The following ALOX12 variants were observed in gnomAD, a reference collection of about 807,000 sequenced individuals.
The protein encoded by ALOX12 is arachidonate 12-lipoxygenase, 12S type.
A neutral mutation model predicts 85.5 loss-of-function variants in ALOX12; 62 were observed. That is an observed-to-expected ratio of 0.73 (90% CI 0.59 to 0.90). ALOX12 has a LOEUF of 0.90. Among genes scored for constraint, ALOX12 ranks in the 40% least tolerant of loss-of-function variants. ALOX12 has a pLI of 0.00. For missense variants in ALOX12, 751 were observed against 856.5 expected, an observed-to-expected ratio of 0.88 and a Z score of 1.54; for synonymous variants, 299 against 332.7, an observed-to-expected ratio of 0.90 and a Z score of 1.10.
chr17:6,997,856 G>A (rs956236119), intron 2 of ALOX12, among the ~76,000 whole-genome samples: 13 of 151,938 alleles, frequency 8.6e-5, no homozygotes, highest in Admixed American at 7.9e-4. Context: ...CACCACGCCC[G>A]GCCCAAATAG....
Position 6,998,762 on chromosome 17 carries a change from G to A in ALOX12, c.467G>A (p.Arg156His), listed in dbSNP as rs772903365. The change falls in exon 4 of 14, where the codon CGT becomes CAT. Residue 156 changes from arginine (R) to histidine (H), a missense_variant. By Grantham distance (29) the Arg-to-His change is conservative. Transcript: ENST00000251535. ...TTACCCCTGACCATCGCTGCAGACCGTAAGGATGATCTACCTCCAAATATG... is the reference window on the plus strand; with the variant it reads ...TTACCCCTGACCATCGCTGCAGACCATAAGGATGATCTACCTCCAAATATG... ...EGLPLTIAADRKDDLPPNMRF... is the reference protein window; with the variant it reads ...EGLPLTIAADHKDDLPPNMRF... The A allele has an allele frequency of 3.0e-5, 48 of 1,613,998 alleles. No individual in the cohort carries two copies. Among genetic ancestry groups the A allele is most frequent in the African/African-American group, 5.3e-5 (4 of 74,886 alleles).
intron 11 of ALOX12, 109 bp from the exon 12 acceptor site, chr17:7,009,638 A>G (rs1909283450): frequency 1.0e-6 from 1 of 985,954 alleles, no homozygotes; most frequent in Admixed American, 2.0e-5. Context: ...ATACGTCTAA[A>G]TAAAATAAAC....
At chr17:6,996,565 C>A (rs1200145560) in intron 1 of ALOX12, among the ~76,000 whole-genome samples, 1 of 151,632 alleles carries the variant, frequency 6.6e-6, no homozygotes, top group Non-Finnish European at 1.5e-5. Context: ...CCTCCAAGAA[C>A]CGGCGCGGGG....
intron 11 of ALOX12, among the ~76,000 whole-genome samples, chr17:7,009,096 G>T (rs1283538526): frequency 7.1e-6 from 1 of 141,298 alleles, no homozygotes; most frequent in African/African-American, 2.6e-5. Context: ...CTCTCGTTGT[G>T]TCGCCCAGGC....
chr17:6,997,211 A>G, intron 2 of ALOX12, 184 bp downstream of exon 2: 1 of 913,500 alleles, frequency 1.1e-6, no homozygotes, highest in Non-Finnish European at 1.3e-6. Context: ...AAAGTTTTAC[A>G]CAGGCTAAGA....
Position 7,010,340 on chromosome 17 carries a change from G to A in ALOX12, c.1909G>A (p.Glu637Lys). The A allele has an allele frequency of 4.3e-6, 7 of 1,614,224 alleles. No homozygotes were observed. Among genetic ancestry groups the A allele is most frequent in the Non-Finnish European group, 5.9e-6 (7 of 1,180,042 alleles). ...AACAGATTTGGAAAAGCTGGAAAAG[G>A]AGATTACAGCCCGGAATGAGCAACT... ...FRTDLEKLEK[E>K]ITARNEQLDW... Residue 637 changes from glutamate to lysine, a missense_variant, in exon 14 of 14, where the codon GAG (glutamate) becomes AAG (lysine). By Grantham distance (56) the Glu-to-Lys change is moderately conservative. Coordinates refer to ENST00000251535, the MANE Select transcript of ALOX12 (RefSeq NM_000697.3).
rs370239900 is a variant in ALOX12, at chr17:6,999,011, G to C, written c.601G>C (p.Glu201Gln). The change falls in exon 5 of 14, where the codon GAA (glutamate) becomes CAA (glutamine). Residue 201 changes from glutamate to glutamine, a missense_variant. Transcript: ENST00000251535. ...YTLLSSWNCLEDFDQIFWGQK... is the reference protein window; with the variant it reads ...YTLLSSWNCLQDFDQIFWGQK... ...CCTCCTGAGCTCCTGGAACTGCCTA[G>C]AAGACTTTGATCAGATCTTCTGGGG... 6.2e-7 allele frequency: 1 copy of C among 1,613,980 alleles called. No homozygotes were observed. Among genetic ancestry groups the C allele is most frequent in the African/African-American group, 1.3e-5 (1 of 74,912 alleles).
intron 12 of ALOX12, 49 bp from the exon 13 acceptor site, chr17:7,009,907 G>C (rs766825797): frequency 6.2e-6 from 10 of 1,614,018 alleles, no homozygotes; most frequent in Non-Finnish European, 8.5e-6. Context: ...AGAGATGGGA[G>C]TTCAAACCCT....
At chr17:7,001,486 C>A in intron 7 of ALOX12, 116 bp from the exon 8 acceptor site, 1 of 1,115,788 alleles carries the variant, frequency 9.0e-7, no homozygotes, top group South Asian at 1.4e-5. Context: ...AGTCCTCCTG[C>A]TAGACTATAA....
intron 2 of ALOX12, 72 bp from the exon 3 acceptor site, chr17:6,998,437 G>A: frequency 2.0e-6 from 2 of 988,438 alleles, no homozygotes; most frequent in East Asian, 2.4e-5. Context: ...GCTAACCACA[G>A]GGAGATGAGG....
intron 8 of ALOX12, among the ~76,000 whole-genome samples, chr17:7,003,527 A>G (rs1424197188): frequency 6.6e-6 from 1 of 152,168 alleles, no homozygotes; most frequent in East Asian, 1.9e-4. Flanking sequence ...CCTGGGCTGA[A>G]GCGATCCTCT....
rs2151648820 is a variant in ALOX12, at chr17:7,010,086, T to C, written c.1772T>C (p.Met591Thr). 6.2e-7 allele frequency: 1 copy of C among 1,613,862 alleles called. No individual in the cohort carries two copies. The highest frequency in any genetic ancestry group is 1.3e-5 in the African/African-American group (1 of 75,022). The change falls in exon 13 of 14, where the codon ATG (methionine) becomes ACG (threonine). Residue 591 changes from methionine (M) to threonine (T), a missense_variant. Physicochemically the swap from Met to Thr is moderately conservative, Grantham distance 81. Transcript: ENST00000251535. The part of the protein sequence containing the change: ...LPDVRQACLQ[M>T]AISWHLSRRQ... ...GATGTCCGGCAGGCCTGTCTTCAAATGGCCATCTCATGGCATCTGAGTCGC... is the reference window on the plus strand; with the variant it reads ...GATGTCCGGCAGGCCTGTCTTCAAACGGCCATCTCATGGCATCTGAGTCGC...
chr17:7,003,235 C>A (rs1306614354), intron 8 of ALOX12, among the ~76,000 whole-genome samples: 1 of 152,224 alleles, frequency 6.6e-6, no homozygotes, highest in Non-Finnish European at 1.5e-5. Context: ...CAGATGCACA[C>A]AAGGGTCAAG....
rs368893946 is a variant in ALOX12 at position 7,009,382 on chromosome 17, T to C, written c.1541-365T>C. The stretch of plus-strand genomic sequence containing the variant: ...CCGCATCCCTCAATTCTTAACCACT[T>C]TTTGAGGCAAGGGATATTTGGTCAC... On this transcript the variant is annotated intron_variant, in intron 11 of 13. Transcript: ENST00000251535. 2.2e-4 allele frequency: 48 copies of C among 215,066 alleles called. No homozygotes were observed. In the South Asian group the frequency reaches 3.2e-3, roughly 14 times the overall value. The allele number at this position is 215,066 out of a possible 1,614,324, so 13.3% of individuals were successfully genotyped here.
rs1392351967 is a variant in ALOX12, at chr17:7,010,135, G to A, written c.1812+9G>A. 2 of 1,607,112 alleles carry A rather than the reference G, an allele frequency of 1.2e-6. No individual in the cohort carries two copies. Among genetic ancestry groups the A allele is most frequent in the Admixed American group, 1.7e-5 (1 of 59,532 alleles). On this transcript the variant is annotated intron_variant, in intron 13 of 13. Transcript: ENST00000251535. The stretch of plus-strand genomic sequence containing the variant: ...GCCGCCAGCCAGACATGGTGAGAGG[G>A]GACTCTCGGGAGAGGGAAATGACAG...
Position 6,999,370 on chromosome 17 carries a change from C to G in ALOX12, c.711C>G (p.Asn237Lys). 1 of 1,614,196 alleles carries G rather than the reference C, an allele frequency of 6.2e-7. No homozygotes were observed. Among genetic ancestry groups the G allele is most frequent in the Non-Finnish European group, 8.5e-7 (1 of 1,180,028 alleles). The stretch of plus-strand genomic sequence containing the variant: ...GCTACCAGTTCCTCAATGGTGCCAA[C>G]CCCATGCTGTTGAGACGCTCGACCT... ...LFSYQFLNGA[N>K]PMLLRRSTSL... is the part of the protein sequence containing the mutation. Residue 237 changes from asparagine to lysine, a missense_variant, in exon 6 of 14, where the codon AAC becomes AAG. By Grantham distance (94) the Asn-to-Lys change is moderately conservative. Transcript: ENST00000251535.
chr17:7,004,381 TTTAATTTAATATTA>T (rs1432529207), intron 8 of ALOX12, among the ~76,000 whole-genome samples: 37 of 139,986 alleles, frequency 2.6e-4, no homozygotes, highest in East Asian at 2.4e-3. Flanking sequence ...TTTAATTTAA[TTTAATTTAATATTA>T]ATTAATTTAA....
chr17:7,007,369 C>T (rs1387951996), intron 11 of ALOX12, among the ~76,000 whole-genome samples: 1 of 152,232 alleles, frequency 6.6e-6, no homozygotes. Context: ...CTCCCCCTCA[C>T]ACTTCAGATC....
intron 8 of ALOX12, chr17:7,002,692 A>G: frequency 3.2e-6 from 1 of 314,416 alleles, no homozygotes; most frequent in Non-Finnish European, 6.3e-6. Context: ...TATTGCTGGG[A>G]GAAGGCAAAA....
Sources: allele counts gnomAD v4.1 joint callset (sites outside exome capture counted in the v4.1 genomes callset), GRCh38; gene constraint gnomAD v4.1.1; transcripts MANE v1.5; gene names NCBI Gene and HGNC (gene_info 2026-07-23, HGNC 2026-07-21).